The following MARCHF5 variants were observed in gnomAD, a reference collection of about 807,000 sequenced individuals.
MARCHF5 encodes E3 ubiquitin-protein ligase MARCHF5.
In MARCHF5, 5 loss-of-function variants were observed where a neutral mutation model predicts 36.5. The observed-to-expected ratio is 0.14, with a 90% CI of 0.07 to 0.29. MARCHF5 has a LOEUF of 0.29. MARCHF5 is among the 10% of genes least tolerant of loss of function. MARCHF5 has a pLI of 1.00. For missense variants in MARCHF5, 179 were observed against 336.3 expected (o/e 0.53, Z 3.66); for synonymous variants, 103 against 109.9 (o/e 0.94, Z 0.39).
At chr10:92,323,991 G>C (rs1843323518) in intron 2 of MARCHF5, among the ~76,000 whole-genome samples, 1 of 152,216 alleles carries the variant, frequency 6.6e-6, no homozygotes, top group African/African-American at 2.4e-5. Context: ...ATCCTCCAAA[G>C]TGGCTGTACC....
Position 92,340,752 on chromosome 10 carries a change from C to A in MARCHF5, c.318C>A (p.Val106=). 1 of 1,613,550 alleles carries A rather than the reference C, an allele frequency of 6.2e-7. No individual in the cohort carries two copies. Among genetic ancestry groups the A allele is most frequent in the South Asian group, 1.1e-5 (1 of 90,978 alleles). Residue 106 remains valine (V), a synonymous_variant, in exon 3 of 6, where the codon GTC becomes GTA. Transcript: ENST00000358935. ...CATTTGCTGCAGCAGGAATAATGGT[C>A]GGCTCTATCTATTGGACAGCTGTGA... ...ACPFAAAGIM[V]GSIYWTAVTY... is the part of the protein sequence containing the mutation.
intron 1 of MARCHF5, among the ~76,000 whole-genome samples, chr10:92,298,165 G>A (rs960471031): frequency 1.8e-4 from 24 of 129,998 alleles, no homozygotes; most frequent in African/African-American, 5.7e-4. Flanking sequence ...GCCACTGCAC[G>A]ATCTCTCTCT....
At position 92,350,327 on chromosome 10, in the gene MARCHF5, G is replaced by A. The variant is rs113322825; in HGVS notation, c.720+490G>A. 3.6e-3 allele frequency: 557 copies of A among 154,912 alleles called. 4 individuals carry two copies. Among genetic ancestry groups the A allele is most frequent in the African/African-American group, 0.013 (520 of 41,542 alleles). 9.6% of individuals were successfully genotyped at this position (154,912 alleles called of 1,614,324 possible). Reference sequence around the variant, plus strand: ...TCTCCCCTCTGGTGGCATGTAACCTGCACGGACCTTGGAGGACTGAACAAA... The same window carrying A: ...TCTCCCCTCTGGTGGCATGTAACCTACACGGACCTTGGAGGACTGAACAAA... On this transcript the variant is annotated intron_variant, in intron 5 of 5. Coordinates refer to ENST00000358935, the MANE Select transcript of MARCHF5 (RefSeq NM_017824.5).
intron 2 of MARCHF5, among the ~76,000 whole-genome samples, chr10:92,315,860 G>GAAC (rs1235537876): frequency 6.6e-6 from 1 of 152,134 alleles, no homozygotes; most frequent in East Asian, 1.9e-4. Flanking sequence ...TTATGATAGT[G>GAAC]TTTTCTTAAC....
intron 2 of MARCHF5, among the ~76,000 whole-genome samples, chr10:92,316,116 A>G (rs1043183444): frequency 1.3e-5 from 2 of 152,184 alleles, no homozygotes; most frequent in African/African-American, 2.4e-5. Context: ...AAAGGTGATG[A>G]TGGTTAATAT....
intron 2 of MARCHF5, among the ~76,000 whole-genome samples, chr10:92,329,036 A>G (rs1163251902): frequency 6.6e-6 from 1 of 152,012 alleles, no homozygotes; most frequent in Non-Finnish European, 1.5e-5. Context: ...CTCTAGGTCC[A>G]TTGTTTCATT....
At chr10:92,346,608 C>T (rs190410968) in intron 3 of MARCHF5, among the ~76,000 whole-genome samples, 16 of 150,508 alleles carry the variant, frequency 1.1e-4, no homozygotes, top group Non-Finnish European at 2.4e-4. Flanking sequence ...CCTGCTTCAG[C>T]CTCCCGAGTA....
chr10:92,291,565 A>C, intron 1 of MARCHF5, 36 bp downstream of exon 1: 1 of 1,516,388 alleles, frequency 6.6e-7, no homozygotes, highest in Non-Finnish European at 8.9e-7. Flanking sequence ...GGAGCCGCCG[A>C]CCCTCGCTCT....
chr10:92,322,244 CAAAAAA>C (rs56391697), intron 2 of MARCHF5, among the ~76,000 whole-genome samples: 1 of 27,746 alleles, frequency 3.6e-5, no homozygotes, highest in Non-Finnish European at 6.5e-5. Context: ...AACTCCGTCT[CAAAAAA>C]AAAAAAAAAA....
intron 2 of MARCHF5, among the ~76,000 whole-genome samples, chr10:92,319,198 G>C (rs1843256454): frequency 6.6e-6 from 1 of 152,032 alleles, no homozygotes; most frequent in African/African-American, 2.4e-5. Flanking sequence ...AAACAAACCT[G>C]TACTAGCAGT....
At chr10:92,340,232 TA>T (rs774574150) in intron 2 of MARCHF5, among the ~76,000 whole-genome samples, 1 of 152,216 alleles carries the variant, frequency 6.6e-6, no homozygotes, top group Non-Finnish European at 1.5e-5. Context: ...GAAGTAACTA[TA>T]TTTGAGACTC....
At chr10:92,306,033 A>G (rs917856404) in intron 1 of MARCHF5, among the ~76,000 whole-genome samples, 4 of 152,244 alleles carry the variant, frequency 2.6e-5, no homozygotes, top group Non-Finnish European at 4.4e-5. Context: ...ACATGATGCA[A>G]TGCGAATTGG....
In MARCHF5 at chr10:92,351,901, C is replaced by CGTGTGTGTGTGTGTGTGTGTGTGT. The variant is rs10552774; in HGVS notation, c.*709_*732dup. 7.1e-5 allele frequency: 10 copies of CGTGTGTGTGTGTGTGTGTGTGTGT among 141,230 alleles called. No homozygotes were observed. The highest frequency in any genetic ancestry group is 1.4e-4 in the Admixed American group (2 of 13,806). 8.7% of individuals were successfully genotyped at this position (141,230 alleles called of 1,614,324 possible). A position where few individuals can be genotyped will look rare whatever the true frequency, so the allele number is the denominator to read the frequency against. On this transcript the variant is annotated 3_prime_UTR_variant, in exon 6 of 6. Transcript: ENST00000358935. ...ATGAAGTAATTTTGACTCATGCAGT[C>CGTGTGTGTGTGTGTGTGTGTGTGT]GTGTGTGTGTGTGTGTGTGTGTGTG...
At chr10:92,335,616 A>G (rs1843492788) in intron 2 of MARCHF5, among the ~76,000 whole-genome samples, 1 of 152,184 alleles carries the variant, frequency 6.6e-6, no homozygotes, top group Admixed American at 6.5e-5. Flanking sequence ...CTTTGCCTCC[A>G]TTTTATCTGG....
chr10:92,351,282 C>T lies in MARCHF5; in HGVS notation c.*75C>T. The T allele has an allele frequency of 1.1e-6, 1 of 910,054 alleles. No individual in the cohort carries two copies. The highest frequency in any genetic ancestry group is 1.8e-6 in the Non-Finnish European group (1 of 567,066). 56.4% of individuals were successfully genotyped at this position (910,054 alleles called of 1,614,324 possible). A position where few individuals can be genotyped will look rare whatever the true frequency, so the allele number is the denominator to read the frequency against. ...TGTTGTTTTGATTCCATCATTAATG[C>T]ACTTGTGGAGACTTGTGATAAGCTG... On this transcript the variant is annotated 3_prime_UTR_variant, in exon 6 of 6. Coordinates refer to ENST00000358935, the MANE Select transcript of MARCHF5 (RefSeq NM_017824.5).
chr10:92,313,957 C>G (rs1265014754), intron 2 of MARCHF5, among the ~76,000 whole-genome samples: 4 of 152,052 alleles, frequency 2.6e-5, no homozygotes, highest in African/African-American at 9.7e-5. Flanking sequence ...ACTTTTGAGG[C>G]TCAGGTGGGT....
At chr10:92,318,443 AT>A (rs1336420575) in intron 2 of MARCHF5, among the ~76,000 whole-genome samples, 102 of 130,938 alleles carry the variant, frequency 7.8e-4, no homozygotes, top group Non-Finnish European at 8.4e-4. Context: ...AAAAAAAAAA[AT>A]GGCTAGGGGC....
At chr10:92,300,528 C>T (rs1483599030) in intron 1 of MARCHF5, among the ~76,000 whole-genome samples, 1 of 152,102 alleles carries the variant, frequency 6.6e-6, no homozygotes, top group Non-Finnish European at 1.5e-5. Context: ...ATTCTTTAGC[C>T]TGTCCTTCAG....
chr10:92,327,337 G>T, intron 2 of MARCHF5, among the ~76,000 whole-genome samples: 1 of 144,844 alleles, frequency 6.9e-6, no homozygotes, highest in South Asian at 2.2e-4. Context: ...AAAGTAGCCT[G>T]GATAAAGAGC....
Sources: gnomAD v4.1 joint callset for allele counts (sites outside exome capture counted in the v4.1 genomes callset) on GRCh38, gnomAD v4.1.1 for gene constraint, MANE v1.5 for transcripts, NCBI Gene and HGNC (gene_info 2026-07-23, HGNC 2026-07-21) for gene names.